Variants in RPN1 observed in about 807,000 individuals in gnomAD.
RPN1 encodes the protein ribophorin I.
RPN1 carries 12 observed loss-of-function variants against 55.5 expected under a neutral mutation model. The ratio of observed to expected loss-of-function variants is 0.22; its 90% CI spans 0.14 to 0.35. RPN1 has a LOEUF of 0.35. Among genes scored for constraint, RPN1 ranks in the 10% least tolerant of loss-of-function variants. The pLI is 1.00. For missense variants in RPN1, 679 were observed against 761.3 expected (o/e 0.89, Z 1.27); for synonymous variants, 317 against 305.9 (o/e 1.04, Z -0.38).
chr3:128,635,403 C>A (rs1423459203), intron 3 of RPN1, among the ~76,000 whole-genome samples: 4 of 151,542 alleles, frequency 2.6e-5, no homozygotes, highest in African/African-American at 9.7e-5. Context: ...TGGGTTCAAG[C>A]AGTTCTCGTA....
chr3:128,628,212 G>A (rs551642061), intron 5 of RPN1, among the ~76,000 whole-genome samples: 2 of 151,520 alleles, frequency 1.3e-5, no homozygotes, highest in Middle Eastern at 3.4e-3. Flanking sequence ...AGCTGAGATC[G>A]CGCCAATGCA....
intron 2 of RPN1, chr3:128,642,503 G>A (rs1345512875): frequency 6.6e-6 from 1 of 152,114 alleles, no homozygotes; most frequent in African/African-American, 2.4e-5. Context: ...AAACCAGCCT[G>A]GCCAACATAG....
At chr3:128,636,044 G>A (rs2069679793) in intron 3 of RPN1, among the ~76,000 whole-genome samples, 1 of 151,948 alleles carries the variant, frequency 6.6e-6, no homozygotes, top group South Asian at 2.1e-4. Context: ...CTTGTTATAT[G>A]TAATTTTGAC....
In RPN1 at chr3:128,638,006, A is replaced by G; in HGVS notation, c.426T>C (p.Tyr142=). ...TCTCTGACTGGGTGATCTGGGTTGG[A>G]TACGGATGAAGCACATGGGTGTAGA... ...ETVYTHVLHP[Y]PTQITQSEKQ... is the part of the protein sequence containing the mutation. Residue 142 remains tyrosine (Y), a synonymous_variant, in exon 3 of 10, where the codon TAT becomes TAC. Coordinates refer to ENST00000296255, the MANE Select transcript of RPN1 (RefSeq NM_002950.4). 1 of 1,614,140 alleles carries G rather than the reference A, an allele frequency of 6.2e-7. No homozygotes were observed. Among genetic ancestry groups the G allele is most frequent in the Non-Finnish European group, 8.5e-7 (1 of 1,179,992 alleles).
chr3:128,637,542 C>G (rs947994409), intron 3 of RPN1, among the ~76,000 whole-genome samples: 1 of 152,076 alleles, frequency 6.6e-6, no homozygotes, highest in Non-Finnish European at 1.5e-5. Context: ...ACTGCCTCTG[C>G]GTGGAATGCC....
At chr3:128,649,774 T>C (rs1273145769) in intron 1 of RPN1, among the ~76,000 whole-genome samples, 1 of 152,186 alleles carries the variant, frequency 6.6e-6, no homozygotes, top group Non-Finnish European at 1.5e-5. Context: ...GGTGTAAGAA[T>C]GAGAAGCAGC....
Position 128,650,696 on chromosome 3 carries a change from G to A in RPN1, c.105C>T (p.Asp35=). 2 of 1,571,360 alleles carry A rather than the reference G, an allele frequency of 1.3e-6. No homozygotes were observed. The highest frequency in any genetic ancestry group is 1.7e-6 in the Non-Finnish European group (2 of 1,158,262). ...TGCTTAGGTCCACTGTGCGCTTCAC[G>A]TCCTCATTGATCAGCGGCGGTGCCT... ...SSEAPPLINE[D]VKRTVDLSSH... Residue 35 remains aspartate, a synonymous_variant, in exon 1 of 10, where the codon GAC becomes GAT. Coordinates refer to ENST00000296255, the MANE Select transcript of RPN1 (RefSeq NM_002950.4).
chr3:128,642,782 G>A (rs1428827223), intron 2 of RPN1, among the ~76,000 whole-genome samples: 1 of 152,164 alleles, frequency 6.6e-6, no homozygotes, highest in Non-Finnish European at 1.5e-5. Flanking sequence ...AACACTTTGG[G>A]AGGCCGAGGC....
intron 2 of RPN1, among the ~76,000 whole-genome samples, chr3:128,643,970 ACGCT>A (rs1483575701): frequency 6.6e-6 from 1 of 152,182 alleles, no homozygotes; most frequent in Non-Finnish European, 1.5e-5. Context: ...TCCAGGCTCC[ACGCT>A]AGGTGCTGAG....
intron 2 of RPN1, chr3:128,644,585 T>C (rs2069752171): frequency 4.0e-6 from 2 of 497,344 alleles, no homozygotes; most frequent in South Asian, 1.6e-5. Context: ...GTTTGAGCCC[T>C]GGAGGTGGAG....
intron 5 of RPN1, among the ~76,000 whole-genome samples, chr3:128,628,437 A>G (rs1358195746): frequency 2.1e-4 from 5 of 23,384 alleles, no homozygotes; most frequent in African/African-American, 8.1e-4. Context: ...ATAAATGCAA[A>G]GAAAAGCAAC....
In RPN1 at chr3:128,620,141, T is replaced by C. The variant is rs2069547636; in HGVS notation, c.*270A>G. ...TTCAGAACAGAATACCAATCAAATATTGAAAATTCCTTTGTTCAAAACACA... is the reference window on the plus strand; with the variant it reads ...TTCAGAACAGAATACCAATCAAATACTGAAAATTCCTTTGTTCAAAACACA... On this transcript the variant is annotated 3_prime_UTR_variant, in exon 10 of 10. Transcript: ENST00000296255. 1 of 305,470 alleles carries C rather than the reference T, an allele frequency of 3.3e-6. No homozygotes were observed. The highest frequency in any genetic ancestry group is 6.0e-6 in the Non-Finnish European group (1 of 167,186). 18.9% of individuals were successfully genotyped at this position (305,470 alleles called of 1,614,324 possible). A position where few individuals can be genotyped will look rare whatever the true frequency, so the allele number is the denominator to read the frequency against.
intron 5 of RPN1, among the ~76,000 whole-genome samples, chr3:128,629,554 T>C (rs768391094): frequency 3.7e-4 from 56 of 152,068 alleles, no homozygotes; most frequent in Non-Finnish European, 7.8e-4. Flanking sequence ...AGAGTGAGAT[T>C]CCGTCTCAAA....
intron 8 of RPN1, among the ~76,000 whole-genome samples, chr3:128,624,471 C>G (rs1030223529): frequency 6.7e-6 from 1 of 149,926 alleles, no homozygotes; most frequent in Non-Finnish European, 1.5e-5. Context: ...CAGAGCAAGA[C>G]TCCGTCTCAG....
At chr3:128,629,266 A>T (rs1441029827) in intron 5 of RPN1, among the ~76,000 whole-genome samples, 1 of 151,902 alleles carries the variant, frequency 6.6e-6, no homozygotes, top group Non-Finnish European at 1.5e-5. Flanking sequence ...AAAAAGGTTT[A>T]AAAAAAAGAC....
At chr3:128,630,631 T>TA (rs1009203503) in intron 4 of RPN1, among the ~76,000 whole-genome samples, 16 of 148,044 alleles carry the variant, frequency 1.1e-4, no homozygotes, top group South Asian at 2.1e-4. Context: ...CATACATAAG[T>TA]AAAAAAAAAA....
At chr3:128,626,631 G>C in intron 6 of RPN1, 102 bp downstream of exon 6, 2 of 978,174 alleles carry the variant, frequency 2.0e-6, no homozygotes, top group Admixed American at 2.0e-5. Flanking sequence ...CTAGAGAAAA[G>C]TGACACAAAG....
Position 128,630,072 on chromosome 3 carries a change from G to A in RPN1, c.915C>T (p.Leu305=). The A allele has an allele frequency of 6.2e-7, 1 of 1,613,218 alleles. No homozygotes were observed. Among genetic ancestry groups the A allele is most frequent in the Non-Finnish European group, 8.5e-7 (1 of 1,179,208 alleles). The part of the protein sequence containing the change: ...DEIGNVSTSH[L]LILDDSVEME... ...TCTCTACAGAGTCATCCAAAATAAGGAGGTGGCTGGTAGAAACATTGCCAA... is the reference window on the plus strand; with the variant it reads ...TCTCTACAGAGTCATCCAAAATAAGAAGGTGGCTGGTAGAAACATTGCCAA... Residue 305 remains leucine, a synonymous_variant, in exon 5 of 10, where the codon CTC becomes CTT. Coordinates refer to ENST00000296255, the MANE Select transcript of RPN1 (RefSeq NM_002950.4).
intron 3 of RPN1, among the ~76,000 whole-genome samples, chr3:128,634,183 C>T (rs865858461): frequency 6.6e-6 from 1 of 151,906 alleles, no homozygotes; most frequent in Middle Eastern, 3.4e-3. Context: ...AAAAATTAGC[C>T]AGGCATGGTC....
Sources: gnomAD v4.1 joint callset for allele counts (sites outside exome capture counted in the v4.1 genomes callset) on GRCh38, gnomAD v4.1.1 for gene constraint, MANE v1.5 for transcripts, NCBI Gene and HGNC (gene_info 2026-07-23, HGNC 2026-07-21) for gene names.